ZEB1: variants seen among roughly 807,000 people sequenced by gnomAD.
ZEB1 encodes the protein zinc finger E-box binding homeobox 1, also known as zinc finger E-box-binding homeobox 1.
ZEB1 carries 21 observed loss-of-function variants against 84.9 expected under a neutral mutation model. The ratio of observed to expected loss-of-function variants is 0.25; its 90% CI spans 0.18 to 0.36. ZEB1 has a LOEUF of 0.36. ZEB1 is among the 10% of genes least tolerant of loss of function. ZEB1 has a pLI of 1.00. For synonymous variants in ZEB1, 420 were observed against 471.1 expected, an observed-to-expected ratio of 0.89 and a Z score of 1.41; for missense variants, 1,104 against 1,330.2, an observed-to-expected ratio of 0.83 and a Z score of 2.65.
rs747813271 is a variant in ZEB1 at position 31,521,712 on chromosome 10, A to G, written c.2380A>G (p.Ile794Val). ...VTDSEPVVNV[I>V]PPSANPINIA... ...AGACTCAGAACCAGTTGTAAATGTAATCCCACCAAGTGCCAACCCCATAAA... is the reference window on the plus strand; with the variant it reads ...AGACTCAGAACCAGTTGTAAATGTAGTCCCACCAAGTGCCAACCCCATAAA... Residue 794 changes from isoleucine (I) to valine (V), a missense_variant, in exon 7 of 9, where the codon ATC becomes GTC. By Grantham distance (29) the Ile-to-Val change is conservative. Around this residue, in one of 7 missense-constraint regions of ZEB1, gnomAD observed 531 missense variants for 575.2 expected, o/e 0.92. Transcript: ENST00000424869. 1.9e-6 allele frequency: 3 copies of G among 1,614,196 alleles called. No individual in the cohort carries two copies. Among genetic ancestry groups the G allele is most frequent in the Non-Finnish European group, 1.7e-6 (2 of 1,180,032 alleles).
intron 1 of ZEB1, among the ~76,000 whole-genome samples, chr10:31,439,639 G>C (rs1445139503): frequency 6.7e-6 from 1 of 149,866 alleles, no homozygotes; most frequent in Non-Finnish European, 1.5e-5. Flanking sequence ...ATTTTTAAAA[G>C]AAATAAATTG....
intron 1 of ZEB1, among the ~76,000 whole-genome samples, chr10:31,445,224 G>T (rs28883292): frequency 6.8e-6 from 1 of 147,958 alleles, no homozygotes; most frequent in South Asian, 2.1e-4. Context: ...TTTGTCTGTT[G>T]TTGGTGTATA....
intron 1 of ZEB1, among the ~76,000 whole-genome samples, chr10:31,396,024 T>A (rs2050657521): frequency 6.6e-6 from 1 of 152,200 alleles, no homozygotes; most frequent in East Asian, 1.9e-4. Flanking sequence ...GCATTGTCAC[T>A]TAACAGACAA....
intron 1 of ZEB1, among the ~76,000 whole-genome samples, chr10:31,361,461 A>G (rs1483104040): frequency 6.6e-6 from 1 of 152,200 alleles, no homozygotes; most frequent in African/African-American, 2.4e-5. Context: ...CGAAAATGCA[A>G]ACCTGGGGAG....
At chr10:31,372,781 TG>T (rs1422173888) in intron 1 of ZEB1, among the ~76,000 whole-genome samples, 1 of 152,004 alleles carries the variant, frequency 6.6e-6, no homozygotes, top group Non-Finnish European at 1.5e-5. Context: ...TGTATTAATT[TG>T]GGTTATAGGA....
At chr10:31,491,890 A>C (rs1399558165) in intron 2 of ZEB1, among the ~76,000 whole-genome samples, 4 of 151,958 alleles carry the variant, frequency 2.6e-5, no homozygotes, top group Non-Finnish European at 5.9e-5. Flanking sequence ...ATAAATTGGA[A>C]GATACAGGAG....
intron 4 of ZEB1, among the ~76,000 whole-genome samples, chr10:31,505,010 A>G (rs932435758): frequency 1.3e-5 from 2 of 151,946 alleles, no homozygotes; most frequent in Non-Finnish European, 2.9e-5. Flanking sequence ...AGGAGTGGAA[A>G]TCCTTTTCTG....
At position 31,458,224 on chromosome 10, in the gene ZEB1, CTT is replaced by C. The variant is rs536606314; in HGVS notation, c.59-2811_59-2810del. Among the ~76,000 whole-genome samples the C allele has an allele frequency of 1.4e-4, 21 of 152,040 alleles. No homozygotes were observed. The East Asian group carries it at 2.7e-3, about 20-fold the overall frequency. Reference sequence around the variant, plus strand: ...ATATATAAATGCCAACTTAAAATGACTTTATCAAGTAGGTTGCTAATAAGTAC... The same window carrying C: ...ATATATAAATGCCAACTTAAAATGACTATCAAGTAGGTTGCTAATAAGTAC... On this transcript the variant is annotated intron_variant, in intron 1 of 8. Coordinates refer to ENST00000424869, the MANE Select transcript of ZEB1 (RefSeq NM_001174096.2).
At chr10:31,346,206 CTA>C (rs931289827) in intron 1 of ZEB1, among the ~76,000 whole-genome samples, 3 of 152,220 alleles carry the variant, frequency 2.0e-5, no homozygotes, top group Non-Finnish European at 4.4e-5. Context: ...AAGAAAAATT[CTA>C]TGTCTTGTGT....
intron 7 of ZEB1, among the ~76,000 whole-genome samples, chr10:31,523,163 G>T (rs996418713): frequency 1.4e-4 from 22 of 152,176 alleles, no homozygotes; most frequent in African/African-American, 5.3e-4. Context: ...AGGCAATGGC[G>T]TGGAACACTC....
Position 31,361,180 on chromosome 10 carries a change from G to T in ZEB1, c.58+41888G>T. 3.1e-6 allele frequency: 5 copies of T among 1,611,900 alleles called. No homozygotes were observed. The East Asian group carries it at 1.1e-4, about 36-fold the overall frequency. On this transcript the variant is annotated intron_variant, in intron 1 of 8. Coordinates refer to ENST00000424869, the MANE Select transcript of ZEB1 (RefSeq NM_001174096.2). ...ACCTCTTGTTCCTCCTGTCCCAAAA[G>T]ACCATCCTGCTCTCAACTACAACAT...
At chr10:31,377,348 C>T (rs2046826258) in intron 1 of ZEB1, among the ~76,000 whole-genome samples, 1 of 151,652 alleles carries the variant, frequency 6.6e-6, no homozygotes, top group African/African-American at 2.4e-5. Context: ...TGTGAGACTG[C>T]TCTGCCACTA....
At chr10:31,517,592 C>T (rs2071403518) in intron 6 of ZEB1, among the ~76,000 whole-genome samples, 2 of 151,654 alleles carry the variant, frequency 1.3e-5, no homozygotes. Flanking sequence ...CTTGTAAACC[C>T]TAACCTCCAT....
At chr10:31,322,026 G>A in intron 1 of ZEB1, 1 of 184,818 alleles carries the variant, frequency 5.4e-6, no homozygotes. Context: ...CGTCTTGTCT[G>A]CAGTATGCAT....
chr10:31,394,297 T>C (rs1044664174), intron 1 of ZEB1, among the ~76,000 whole-genome samples: 8 of 152,196 alleles, frequency 5.3e-5, no homozygotes, highest in South Asian at 2.1e-4. Context: ...CACTGTACGG[T>C]GAAATATCTT....
At chr10:31,373,289 G>T in intron 1 of ZEB1, 1 of 933,938 alleles carries the variant, frequency 1.1e-6, no homozygotes. Flanking sequence ...AATGACAAGT[G>T]TTTGAATTTT....
chr10:31,324,073 G>A (rs770225954), intron 1 of ZEB1, among the ~76,000 whole-genome samples: 2 of 151,872 alleles, frequency 1.3e-5, no homozygotes, highest in African/African-American at 4.8e-5. Flanking sequence ...GTGAATAGGT[G>A]TGATTCACTT....
chr10:31,342,796 G>A (rs1052698650), intron 1 of ZEB1, among the ~76,000 whole-genome samples: 1 of 152,034 alleles, frequency 6.6e-6, no homozygotes, highest in African/African-American at 2.4e-5. Context: ...TCCCCCATAT[G>A]GATAAGCTCG....
intron 1 of ZEB1, among the ~76,000 whole-genome samples, chr10:31,453,801 C>T (rs1020644182): frequency 2.6e-5 from 4 of 152,016 alleles, no homozygotes; most frequent in Non-Finnish European, 4.4e-5. Flanking sequence ...CAGGACCAGA[C>T]GGATTCACAG....
Sources: allele counts gnomAD v4.1 joint callset (sites outside exome capture counted in the v4.1 genomes callset), GRCh38; gene constraint gnomAD v4.1.1; regional missense constraint gnomAD v4.1.1; transcripts MANE v1.5; gene names NCBI Gene and HGNC (gene_info 2026-07-23, HGNC 2026-07-21).